Variants in COPG2 observed in about 807,000 individuals in gnomAD.
COPG2 encodes coat protein complex I subunit gamma 2, also known as coatomer subunit gamma-2.
A neutral mutation model predicts 46.3 loss-of-function variants in COPG2; 37 were observed. The observed-to-expected ratio is 0.80, with a 90% CI of 0.61 to 1.05. The LOEUF (loss-of-function observed/expected upper bound fraction) is 1.05, where lower values mean the gene tolerates loss of function less well. Ranked by LOEUF, COPG2 falls within the 50% of genes least tolerant of loss-of-function variation. The probability of loss-of-function intolerance (pLI) is 0.00; values close to 1 mark genes in which losing one functional copy is unlikely to be tolerated. For missense variants in COPG2, 427 were observed against 387.8 expected, an observed-to-expected ratio of 1.10 and a Z score of -0.85; for synonymous variants, 159 against 129.7, an observed-to-expected ratio of 1.23 and a Z score of -1.53.
chr7:130,571,843 C>CTA (rs1235145325), intron 9 of COPG2, among the ~76,000 whole-genome samples: 1,522 of 150,988 alleles, frequency 0.01, 26 homozygotes, highest in African/African-American at 0.035. Context: ...CCCTCTCTCT[C>CTA]TCTATATATA....
intron 20 of COPG2, among the ~76,000 whole-genome samples, chr7:130,531,421 G>A (rs1799823997): frequency 6.6e-6 from 1 of 152,054 alleles, no homozygotes; most frequent in South Asian, 2.1e-4. Flanking sequence ...AAGTCTCTTA[G>A]AGGGGGGCAC....
chr7:130,613,283 G>T (rs1296304109), intron 7 of COPG2, among the ~76,000 whole-genome samples: 1 of 152,144 alleles, frequency 6.6e-6, no homozygotes, highest in Non-Finnish European at 1.5e-5. Flanking sequence ...CTGGCAGGAG[G>T]CGGAGCTCAG....
intron 20 of COPG2, among the ~76,000 whole-genome samples, chr7:130,536,405 A>G (rs1799879705): frequency 1.3e-5 from 2 of 152,160 alleles, no homozygotes; most frequent in African/African-American, 4.8e-5. Flanking sequence ...AGGGCTGGGG[A>G]CATGGACCCC....
chr7:130,650,738 A>G (rs1385393076), intron 5 of COPG2, among the ~76,000 whole-genome samples: 5 of 152,200 alleles, frequency 3.3e-5, no homozygotes, highest in African/African-American at 4.8e-5. Context: ...TTGGGAAAAG[A>G]TATTAGATTC....
chr7:130,514,687 A>G (rs910095639), intron 20 of COPG2, among the ~76,000 whole-genome samples: 5 of 152,338 alleles, frequency 3.3e-5, no homozygotes, highest in African/African-American at 1.2e-4. Context: ...TTGACTCCAG[A>G]TGAAAAGGTC....
rs1793498307 is a variant in COPG2 at position 130,549,345 on chromosome 7, C to A, written c.1806G>T (p.Lys602Asn). ...AAATGTCTTGCCTGGAAGGAGCCAA[C>A]TTCTCTGGCTTAGTAGCCACAAGTG... ...EITLVATKPEKLAPSRQDIFQ... is the reference protein window; with the variant it reads ...EITLVATKPENLAPSRQDIFQ... Residue 602 changes from lysine (K) to asparagine (N), a missense_variant, in exon 18 of 24, where the codon AAG becomes AAT. Transcript: ENST00000425248. 1 of 398,470 alleles carries A rather than the reference C, an allele frequency of 2.5e-6. No individual in the cohort carries two copies. The highest frequency in any genetic ancestry group is 2.1e-5 in the African/African-American group (1 of 48,624). 24.7% of individuals were successfully genotyped at this position (398,470 alleles called of 1,614,324 possible). A position where few individuals can be genotyped will look rare whatever the true frequency, so the allele number is the denominator to read the frequency against.
chr7:130,652,480 C>T (rs1554459254), intron 5 of COPG2, among the ~76,000 whole-genome samples: 2 of 152,064 alleles, frequency 1.3e-5, no homozygotes, highest in African/African-American at 2.4e-5. Flanking sequence ...TATCTAAAGA[C>T]GTTTAGATCC....
intron 4 of COPG2, among the ~76,000 whole-genome samples, chr7:130,655,009 A>C (rs1448396079): frequency 2.6e-5 from 4 of 152,070 alleles, no homozygotes; most frequent in Non-Finnish European, 5.9e-5. Context: ...TTACAACTTA[A>C]GCATATAGAT....
intron 9 of COPG2, among the ~76,000 whole-genome samples, chr7:130,573,560 C>T (rs973282180): frequency 5.3e-5 from 8 of 151,970 alleles, no homozygotes; most frequent in Non-Finnish European, 1.0e-4. Flanking sequence ...TTATATATTA[C>T]ATTAATAATA....
At chr7:130,653,787 G>A (rs1178254148) in intron 4 of COPG2, among the ~76,000 whole-genome samples, 1 of 152,006 alleles carries the variant, frequency 6.6e-6, no homozygotes, top group Non-Finnish European at 1.5e-5. Flanking sequence ...AGAAAACCTT[G>A]ATACTACTGA....
intron 9 of COPG2, among the ~76,000 whole-genome samples, chr7:130,604,949 G>A (rs1388220786): frequency 6.6e-6 from 1 of 152,020 alleles, no homozygotes; most frequent in African/African-American, 2.4e-5. Context: ...TTTAAAATGA[G>A]GTATATTATG....
At chr7:130,595,950 C>T (rs2116471846) in intron 9 of COPG2, among the ~76,000 whole-genome samples, 1 of 152,326 alleles carries the variant, frequency 6.6e-6, no homozygotes, top group African/African-American at 2.4e-5. Flanking sequence ...CTACTTTCTT[C>T]CTTGTTCCTA....
chr7:130,604,777 C>A, intron 9 of COPG2: 1 of 504,264 alleles, frequency 2.0e-6, no homozygotes. Context: ...TTTTAATAGT[C>A]CACCAATAAG....
chr7:130,525,320 G>A (rs1001409984), intron 20 of COPG2, among the ~76,000 whole-genome samples: 4 of 152,294 alleles, frequency 2.6e-5, no homozygotes, highest in East Asian at 1.9e-4. Flanking sequence ...TTTCATGACC[G>A]TCATCAAGGC....
chr7:130,617,805 T>C (rs10263075), intron 5 of COPG2, among the ~76,000 whole-genome samples: 22,491 of 151,978 alleles, frequency 0.15, 3,090 homozygotes, highest in African/African-American at 0.37. Context: ...CTTTTTCAAT[T>C]AGGAAAGCAA....
At chr7:130,590,903 C>T (rs1393324031) in intron 9 of COPG2, among the ~76,000 whole-genome samples, 2 of 151,172 alleles carry the variant, frequency 1.3e-5, no homozygotes, top group East Asian at 4.0e-4. Context: ...TGCCTGGCAA[C>T]CGCCCCGTCT....
At chr7:130,619,671 A>C (rs1343898049) in intron 5 of COPG2, among the ~76,000 whole-genome samples, 1 of 152,178 alleles carries the variant, frequency 6.6e-6, no homozygotes, top group Non-Finnish European at 1.5e-5. Context: ...CCTCTATTAC[A>C]GAATTCACTC....
rs566755590 is a variant in COPG2 at position 130,622,484 on chromosome 7, T to C, written c.324-5419A>G. ...CATGTGAAGTGGCTCAAAAGAGGTG[T>C]CCAATACAGTCTACCCTTTCCATCC... On this transcript the variant is annotated intron_variant, in intron 5 of 23. Transcript: ENST00000425248. Among the ~76,000 whole-genome samples the C allele has an allele frequency of 1.2e-4, 19 of 152,228 alleles. No homozygotes were observed. The East Asian group carries it at 3.7e-3, about 29-fold the overall frequency.
chr7:130,624,861 C>T (rs1357273342), intron 5 of COPG2, among the ~76,000 whole-genome samples: 1 of 152,136 alleles, frequency 6.6e-6, no homozygotes, highest in Admixed American at 6.5e-5. Flanking sequence ...GTGAACTGTG[C>T]TGTTATAAAC....
Sources: allele counts gnomAD v4.1 joint callset (sites outside exome capture counted in the v4.1 genomes callset), GRCh38; gene constraint gnomAD v4.1.1; transcripts MANE v1.5; gene names NCBI Gene and HGNC (gene_info 2026-07-23, HGNC 2026-07-21).